The following SPAG16 variants were observed in gnomAD, a reference collection of about 807,000 sequenced individuals.
SPAG16 encodes sperm associated antigen 16, also known as sperm-associated antigen 16 protein.
A neutral mutation model predicts 80.4 loss-of-function variants in SPAG16; 86 were observed. The observed-to-expected ratio is 1.07, with a 90% CI of 0.90 to 1.28. The LOEUF (loss-of-function observed/expected upper bound fraction) is 1.28, where lower values mean the gene tolerates loss of function less well. Among genes scored for constraint, SPAG16 ranks in the 50% most tolerant of loss-of-function variants. The probability of loss-of-function intolerance (pLI) is 0.00; values close to 1 mark genes in which losing one functional copy is unlikely to be tolerated. For missense variants in SPAG16, 870 were observed against 765.3 expected, an observed-to-expected ratio of 1.14 and a Z score of -1.61; for synonymous variants, 294 against 265.9, an observed-to-expected ratio of 1.11 and a Z score of -1.03.
At chr2:214,342,180 G>A (rs1048245994) in intron 15 of SPAG16, among the ~76,000 whole-genome samples, 4 of 152,154 alleles carry the variant, frequency 2.6e-5, no homozygotes, top group African/African-American at 9.7e-5. Flanking sequence ...TTTAATTCCA[G>A]GAACATCCTT....
At position 213,959,120 on chromosome 2, in the gene SPAG16, G is replaced by C. The variant is rs2044290672; in HGVS notation, c.1400+28975G>C. On this transcript the variant is annotated intron_variant, in intron 12 of 15. Coordinates refer to ENST00000331683, the MANE Select transcript of SPAG16 (RefSeq NM_024532.5). ...CTTCCATAGTTTTTGATGAGAATCT[G>C]ATGGTAATCTTATTGAGCATCACTT... 2.0e-5 allele frequency among the ~76,000 whole-genome samples: 3 copies of C among 152,304 alleles called. No individual in the cohort carries two copies. The South Asian group carries it at 6.2e-4, about 32-fold the overall frequency.
intron 13 of SPAG16, among the ~76,000 whole-genome samples, chr2:214,092,042 A>G (rs1203791499): frequency 6.6e-6 from 1 of 152,160 alleles, no homozygotes; most frequent in Non-Finnish European, 1.5e-5. Flanking sequence ...TGATAGAAAT[A>G]ACTCAAAATC....
intron 11 of SPAG16, among the ~76,000 whole-genome samples, chr2:213,908,298 T>C (rs2077511415): frequency 6.6e-6 from 1 of 152,196 alleles, no homozygotes; most frequent in South Asian, 2.1e-4. Context: ...TTCACTCTTT[T>C]TCTGTGCTGT....
intron 10 of SPAG16, among the ~76,000 whole-genome samples, chr2:213,585,063 C>G (rs1465582740): frequency 6.6e-6 from 1 of 151,634 alleles, no homozygotes; most frequent in Non-Finnish European, 1.5e-5. Flanking sequence ...GTGGCATACA[C>G]CTGTAATCCC....
chr2:213,581,265 T>G (rs552159867), intron 10 of SPAG16, among the ~76,000 whole-genome samples: 1 of 152,116 alleles, frequency 6.6e-6, no homozygotes, highest in East Asian at 1.9e-4. Context: ...TTGCACCACC[T>G]GGAGTACAGT....
intron 9 of SPAG16, among the ~76,000 whole-genome samples, chr2:213,463,785 C>T (rs1243406734): frequency 5.3e-5 from 8 of 152,318 alleles, no homozygotes; most frequent in African/African-American, 1.7e-4. Context: ...GGGGTTGGAG[C>T]CCCCATACAG....
intron 13 of SPAG16, among the ~76,000 whole-genome samples, chr2:214,020,000 T>G (rs1371150349): frequency 6.6e-6 from 1 of 152,202 alleles, no homozygotes; most frequent in Non-Finnish European, 1.5e-5. Flanking sequence ...AAGAGCTGAT[T>G]GATGGTTAAC....
chr2:213,343,510 A>G (rs1347233976), intron 6 of SPAG16, among the ~76,000 whole-genome samples: 1 of 152,182 alleles, frequency 6.6e-6, no homozygotes, highest in Non-Finnish European at 1.5e-5. Flanking sequence ...TAGAAGCAGG[A>G]AGACATGTCC....
intron 10 of SPAG16, among the ~76,000 whole-genome samples, chr2:213,496,624 A>T (rs1337782986): frequency 1.3e-5 from 2 of 151,882 alleles, no homozygotes; most frequent in African/African-American, 2.4e-5. Flanking sequence ...TTTGGAAAAC[A>T]TATAATTTAA....
intron 15 of SPAG16, among the ~76,000 whole-genome samples, chr2:214,206,818 A>G (rs180896430): frequency 1.7e-4 from 26 of 152,272 alleles, no homozygotes; most frequent in Non-Finnish European, 2.9e-5. Flanking sequence ...CCATCCTATT[A>G]TAATATCACC....
At chr2:213,884,766 G>T (rs760083297) in intron 11 of SPAG16, among the ~76,000 whole-genome samples, 5 of 152,046 alleles carry the variant, frequency 3.3e-5, no homozygotes, top group African/African-American at 7.2e-5. Context: ...TCTTTCCTTA[G>T]CTTGGTCTAA....
rs557320208 is a variant in SPAG16 at position 213,307,755 on chromosome 2, C to T, written c.280-2304C>T. ...TTCTAGTTCTAGATCCCTGAGGAAT[C>T]GCCACACTGACTTCCACAATGGTTG... On this transcript the variant is annotated intron_variant, in intron 3 of 15. Coordinates refer to ENST00000331683, the MANE Select transcript of SPAG16 (RefSeq NM_024532.5). 2.9e-3 allele frequency among the ~76,000 whole-genome samples: 446 copies of T among 152,054 alleles called. 3 individuals carry two copies. The highest frequency in any genetic ancestry group is 6.5e-3 in the African/African-American group (269 of 41,484).
chr2:213,344,720 T>C (rs900061550), intron 6 of SPAG16, among the ~76,000 whole-genome samples: 1 of 152,108 alleles, frequency 6.6e-6, no homozygotes, highest in Non-Finnish European at 1.5e-5. Flanking sequence ...CATCATTTTT[T>C]ATGGCTGCAT....
At chr2:213,420,373 T>G (rs531802310) in intron 9 of SPAG16, among the ~76,000 whole-genome samples, 2 of 152,146 alleles carry the variant, frequency 1.3e-5, no homozygotes, top group East Asian at 1.9e-4. Flanking sequence ...AGAAACTGAC[T>G]GATAGTACCT....
At chr2:213,984,104 T>C (rs1387842328) in intron 12 of SPAG16, among the ~76,000 whole-genome samples, 1 of 152,118 alleles carries the variant, frequency 6.6e-6, no homozygotes, top group Non-Finnish European at 1.5e-5. Flanking sequence ...GCTTATATCA[T>C]TATATGCATG....
chr2:213,769,856 C>T (rs561877391), intron 10 of SPAG16, among the ~76,000 whole-genome samples: 1 of 152,262 alleles, frequency 6.6e-6, no homozygotes, highest in East Asian at 1.9e-4. Context: ...ACCCATCAAA[C>T]CCCTATCAAG....
chr2:214,150,109 G>T (rs1024460692), intron 15 of SPAG16, among the ~76,000 whole-genome samples: 1 of 152,050 alleles, frequency 6.6e-6, no homozygotes, highest in African/African-American at 2.4e-5. Flanking sequence ...TTGATTTTAG[G>T]TGAAGAAGTA....
rs113878664 is a variant in SPAG16 at position 213,777,095 on chromosome 2, T to C, written c.1071-85390T>C. On this transcript the variant is annotated intron_variant, in intron 10 of 15. Coordinates refer to ENST00000331683, the MANE Select transcript of SPAG16 (RefSeq NM_024532.5). ...ACAATTGAGAACATTATACTATTTTTCCCTTTTTCATGTATATCATTTGAA... is the reference window on the plus strand; with the variant it reads ...ACAATTGAGAACATTATACTATTTTCCCCTTTTTCATGTATATCATTTGAA... Among the ~76,000 whole-genome samples, 464 of 152,180 alleles carry C rather than the reference T, an allele frequency of 3.0e-3. 4 individuals carry two copies. Among genetic ancestry groups the C allele is most frequent in the Middle Eastern group, 0.01 (3 of 294 alleles).
intron 15 of SPAG16, among the ~76,000 whole-genome samples, chr2:214,291,612 T>C (rs968366656): frequency 2.0e-5 from 3 of 152,336 alleles, no homozygotes; most frequent in Middle Eastern, 3.4e-3. Flanking sequence ...GCCTAGATCA[T>C]GTTTCTTTAT....
Sources: gnomAD v4.1 joint callset for allele counts (sites outside exome capture counted in the v4.1 genomes callset) on GRCh38, gnomAD v4.1.1 for gene constraint, MANE v1.5 for transcripts, NCBI Gene and HGNC (gene_info 2026-07-23, HGNC 2026-07-21) for gene names.